JAK2: variants seen among roughly 807,000 people sequenced by gnomAD.
JAK2 encodes tyrosine-protein kinase JAK2.
Under a neutral mutation model 139.3 loss-of-function variants are expected in JAK2, and 86 were observed. That is an observed-to-expected ratio of 0.62 (90% CI 0.52 to 0.74). The LOEUF is 0.74. Among genes scored for constraint, JAK2 ranks in the 30% least tolerant of loss-of-function variants. JAK2 has a pLI of 0.00. For synonymous variants in JAK2, 490 were observed against 437.7 expected, an observed-to-expected ratio of 1.12 and a Z score of -1.49; for missense variants, 1,421 against 1,360.3, an observed-to-expected ratio of 1.04 and a Z score of -0.70.
rs148009925 is a variant in JAK2, at chr9:5,038,104, T to G, written c.351-6299T>G. Among the ~76,000 whole-genome samples, 130 of 152,330 alleles carry G rather than the reference T, an allele frequency of 8.5e-4. 1 individual carries two copies. The highest frequency in any genetic ancestry group is 8.4e-3 in the Admixed American group (128 of 15,296). On this transcript the variant is annotated intron_variant, in intron 4 of 24. Coordinates refer to ENST00000381652, the MANE Select transcript of JAK2 (RefSeq NM_004972.4). ...AATTTTTTGAAAAGGCCATTAATGA[T>G]TTGTTCTTCTTTTGTTAAATATTTC... is the stretch of plus-strand genomic sequence containing the variant.
chr9:5,081,716 T>G lies in JAK2; in HGVS notation c.2435-9T>G. On this transcript the variant is annotated splice_polypyrimidine_tract_variant and intron_variant, in intron 18 of 24. Coordinates refer to ENST00000381652, the MANE Select transcript of JAK2 (RefSeq NM_004972.4). ...TAATTTAAGGTGATAATATTCTTTA[T>G]TTCTCCAGATTATGAACTATTAACA... The G allele has an allele frequency of 6.3e-7, 1 of 1,575,362 alleles. No homozygotes were observed. Among genetic ancestry groups the G allele is most frequent in the Non-Finnish European group, 8.7e-7 (1 of 1,145,826 alleles).
chr9:5,081,812 C>G lies in JAK2; in HGVS notation c.2522C>G (p.Pro841Arg). 5.6e-6 allele frequency: 9 copies of G among 1,613,498 alleles called. No individual in the cohort carries two copies. Among genetic ancestry groups the G allele is most frequent in the Admixed American group, 5.0e-5 (3 of 60,014 alleles). Residue 841 changes from proline (P) to arginine (R), a missense_variant, in exon 19 of 25, where the codon CCT (proline) becomes CGT (arginine). By Grantham distance (103) the Pro-to-Arg change is moderately radical. Coordinates refer to ENST00000381652, the MANE Select transcript of JAK2 (RefSeq NM_004972.4). ...GFSGAFEDRD[P>R]TQFEERHLKF... The stretch of plus-strand genomic sequence containing the variant: ...TCTGGTGCCTTTGAAGACCGGGATC[C>G]TACACAGTTTGAAGAGAGACATTTG...
chr9:4,998,547 G>A (rs1408163917), intron 2 of JAK2, among the ~76,000 whole-genome samples: 2 of 151,924 alleles, frequency 1.3e-5, no homozygotes, highest in Admixed American at 1.3e-4. Context: ...GAGCCACCAT[G>A]CCCGGCCAAA....
intron 3 of JAK2, among the ~76,000 whole-genome samples, chr9:5,024,913 A>T (rs1822680626): frequency 6.6e-6 from 1 of 152,180 alleles, no homozygotes; most frequent in South Asian, 2.1e-4. Flanking sequence ...TCACACTGGG[A>T]GCACCAATTG....
chr9:5,033,263 C>T (rs1025815003), intron 4 of JAK2, among the ~76,000 whole-genome samples: 2 of 152,194 alleles, frequency 1.3e-5, no homozygotes, highest in East Asian at 1.9e-4. Flanking sequence ...ACCAAATCTA[C>T]GTCTCATTGG....
At chr9:5,028,507 C>G (rs1822927107) in intron 3 of JAK2, among the ~76,000 whole-genome samples, 1 of 152,200 alleles carries the variant, frequency 6.6e-6, no homozygotes, top group Non-Finnish European at 1.5e-5. Flanking sequence ...ATTAGCTCCT[C>G]AGAAGAGAGT....
intron 19 of JAK2, chr9:5,085,006 TTG>T (rs1819967897): frequency 1.2e-6 from 1 of 851,324 alleles, no homozygotes; most frequent in Non-Finnish European, 1.9e-6. Flanking sequence ...CATTTATGTC[TTG>T]TGAGTACAAT....
In JAK2 at chr9:5,081,830, G is replaced by A. The variant is rs1464065307; in HGVS notation, c.2540G>A (p.Arg847Lys). ...CGGGATCCTACACAGTTTGAAGAGAGACATTTGAAATTTCTACAGCAACTT... is the reference window on the plus strand; with the variant it reads ...CGGGATCCTACACAGTTTGAAGAGAAACATTTGAAATTTCTACAGCAACTT... Reference protein sequence around the residue: ...EDRDPTQFEERHLKFLQQLGK... With the variant: ...EDRDPTQFEEKHLKFLQQLGK... The change falls in exon 19 of 25, where the codon AGA becomes AAA. Residue 847 changes from arginine to lysine, a missense_variant. By Grantham distance (26) the Arg-to-Lys change is conservative. Coordinates refer to ENST00000381652, the MANE Select transcript of JAK2 (RefSeq NM_004972.4). 1 of 1,613,584 alleles carries A rather than the reference G, an allele frequency of 6.2e-7. No individual in the cohort carries two copies. Among genetic ancestry groups the A allele is most frequent in the Non-Finnish European group, 8.5e-7 (1 of 1,179,624 alleles).
At chr9:4,999,719 G>A (rs1207637717) in intron 2 of JAK2, among the ~76,000 whole-genome samples, 1 of 152,208 alleles carries the variant, frequency 6.6e-6, no homozygotes, top group Non-Finnish European at 1.5e-5. Flanking sequence ...AAAGTGCTAG[G>A]ATTACAGGCG....
intron 2 of JAK2, among the ~76,000 whole-genome samples, chr9:4,996,227 T>C (rs1194690088): frequency 6.6e-6 from 1 of 152,154 alleles, no homozygotes; most frequent in Non-Finnish European, 1.5e-5. Flanking sequence ...AGTATATGGA[T>C]CACCTGAGGT....
At chr9:5,108,498 A>G in intron 22 of JAK2, 1 of 152,066 alleles carries the variant, frequency 6.6e-6, no homozygotes, top group Admixed American at 6.5e-5. Flanking sequence ...CTTATCCAAT[A>G]ATCTTATATG....
In JAK2 at chr9:5,098,082, C is replaced by G. The variant is rs1207574044; in HGVS notation, c.3059+7171C>G. The G allele has an allele frequency of 6.6e-5, 10 of 152,166 alleles. No homozygotes were observed. The South Asian group carries it at 1.0e-3, about 16-fold the overall frequency. 9.4% of individuals were successfully genotyped at this position (152,166 alleles called of 1,614,324 possible). On this transcript the variant is annotated intron_variant, in intron 22 of 24. Transcript: ENST00000381652. Reference sequence around the variant, plus strand: ...CTAACAATTTTTATAATCTGAGAAGCCTTTGTTTCGAAAAGAAAAACTATA... The same window carrying G: ...CTAACAATTTTTATAATCTGAGAAGGCTTTGTTTCGAAAAGAAAAACTATA...
At chr9:5,048,353 G>T (rs529955436) in intron 5 of JAK2, among the ~76,000 whole-genome samples, 3 of 152,074 alleles carry the variant, frequency 2.0e-5, no homozygotes, top group Non-Finnish European at 4.4e-5. Context: ...ATGTTGGCCA[G>T]GCTGGTCTCG....
intron 22 of JAK2, chr9:5,113,778 C>T (rs1822873900): frequency 1.8e-5 from 3 of 164,972 alleles, no homozygotes; most frequent in Non-Finnish European, 4.0e-5. Context: ...GCCTCGGGTG[C>T]GTGGGCCAAA....
At position 5,090,530 on chromosome 9, in the gene JAK2, A is replaced by G; in HGVS notation, c.2846A>G (p.Asp949Gly). 6.3e-7 allele frequency: 1 copy of G among 1,597,374 alleles called. No individual in the cohort carries two copies. Among genetic ancestry groups the G allele is most frequent in the Non-Finnish European group, 8.5e-7 (1 of 1,171,742 alleles). ...DYLQKHKERIDHIKLLQYTSQ... is the reference protein window; with the variant it reads ...DYLQKHKERIGHIKLLQYTSQ... ...CTTCAAAAACATAAAGAACGGATAG[A>G]TCACATAAAACTTCTGCAGTACACA... Residue 949 changes from aspartate to glycine, a missense_variant, in exon 21 of 25, where the codon GAT becomes GGT. Coordinates refer to ENST00000381652, the MANE Select transcript of JAK2 (RefSeq NM_004972.4).
At position 5,128,489 on chromosome 9, in the gene JAK2, A is replaced by C. The variant is rs1824147506; in HGVS notation, c.*1698A>C. On this transcript the variant is annotated 3_prime_UTR_variant, in exon 25 of 25. Coordinates refer to ENST00000381652, the MANE Select transcript of JAK2 (RefSeq NM_004972.4). ...TCAAGTGAAAAATAGCCTATCATAC[A>C]ATATGCTTGATTTCAGATTTTCATA... is the stretch of plus-strand genomic sequence containing the variant. 6.6e-6 allele frequency among the ~76,000 whole-genome samples: 1 copy of C among 151,870 alleles called. No homozygotes were observed. Among genetic ancestry groups the C allele is most frequent in the Non-Finnish European group, 1.5e-5 (1 of 67,780 alleles).
chr9:4,990,592 G>C (rs1400116157), intron 2 of JAK2, among the ~76,000 whole-genome samples: 1 of 151,172 alleles, frequency 6.6e-6, no homozygotes, highest in East Asian at 1.9e-4. Context: ...GAGAGGAATG[G>C]GTAAAGGAGA....
intron 22 of JAK2, chr9:5,112,017 G>A: frequency 5.0e-6 from 2 of 402,374 alleles, no homozygotes; most frequent in South Asian, 3.7e-5. Flanking sequence ...CTAGCCTGGA[G>A]CAGGAGTCCC....
chr9:5,121,756 A>C (rs946784613), intron 22 of JAK2, among the ~76,000 whole-genome samples: 1 of 152,144 alleles, frequency 6.6e-6, no homozygotes, highest in Admixed American at 6.6e-5. Flanking sequence ...ATTTTCAACA[A>C]GGGGAATTAA....
Sources: allele counts gnomAD v4.1 joint callset (sites outside exome capture counted in the v4.1 genomes callset), GRCh38; gene constraint gnomAD v4.1.1; transcripts MANE v1.5; gene names NCBI Gene and HGNC (gene_info 2026-07-23, HGNC 2026-07-21).